Variants in LRRC14 observed in about 807,000 individuals in gnomAD.
LRRC14 encodes the protein leucine-rich repeat-containing protein 14.
Under a neutral mutation model 25.3 loss-of-function variants are expected in LRRC14, and 16 were observed. That is an observed-to-expected ratio of 0.63 (90% confidence interval 0.43 to 0.96). The LOEUF is 0.96. LRRC14 is among the 40% of genes least tolerant of loss of function. The probability of loss-of-function intolerance (pLI) is 0.00; values close to 1 mark genes in which losing one functional copy is unlikely to be tolerated. For missense variants in LRRC14, 594 were observed against 660.5 expected, an observed-to-expected ratio of 0.90 and a Z score of 1.10; for synonymous variants, 359 against 295.1, an observed-to-expected ratio of 1.22 and a Z score of -2.22.
Position 144,522,664 on chromosome 8 carries a change from G to C in LRRC14, c.*1186G>C, listed in dbSNP as rs773682326. ...CTAGCTGTGCGAACGTACAGGGGCC[G>C]TCCAAGTAGTCGTTGACGAACAGCG... On this transcript the variant is annotated 3_prime_UTR_variant, in exon 4 of 4. Coordinates refer to ENST00000292524, the MANE Select transcript of LRRC14 (RefSeq NM_014665.4). The C allele has an allele frequency of 2.5e-6, 4 of 1,592,524 alleles. No individual in the cohort carries two copies. The highest frequency in any genetic ancestry group is 3.4e-6 in the Non-Finnish European group (4 of 1,170,968).
Position 144,521,629 on chromosome 8 carries a change from C to T in LRRC14, c.*151C>T. 1 of 765,208 alleles carries T rather than the reference C, an allele frequency of 1.3e-6. No homozygotes were observed. Among genetic ancestry groups the T allele is most frequent in the South Asian group, 1.9e-5 (1 of 53,290 alleles). 47.4% of individuals were successfully genotyped at this position (765,208 alleles called of 1,614,324 possible). Reference sequence around the variant, plus strand: ...TGCTTCTGGGCACACCTCAAGCCTCCCCTGCTTTCTGCAGTGCCCCACGCG... The same window carrying T: ...TGCTTCTGGGCACACCTCAAGCCTCTCCTGCTTTCTGCAGTGCCCCACGCG... On this transcript the variant is annotated 3_prime_UTR_variant, in exon 4 of 4. Coordinates refer to ENST00000292524, the MANE Select transcript of LRRC14 (RefSeq NM_014665.4).
chr8:144,522,390 C>G lies in LRRC14; in HGVS notation c.*912C>G. 5 of 1,363,638 alleles carry G rather than the reference C, an allele frequency of 3.7e-6. No homozygotes were observed. The highest frequency in any genetic ancestry group is 4.7e-6 in the Non-Finnish European group (5 of 1,065,206). 84.5% of individuals were successfully genotyped at this position (1,363,638 alleles called of 1,614,324 possible). ...CCCACACACGGCTCAGCGCACACTG[C>G]GCGGCTTCCACCTTTACTGACGGAG... On this transcript the variant is annotated 3_prime_UTR_variant, in exon 4 of 4. Transcript: ENST00000292524.
rs749625820 is a variant in LRRC14, at chr8:144,523,666, C to A, written c.*2188C>A. Reference sequence around the variant, plus strand: ...TTCTCCGTCGGTCTCTGAGAAAGCACCTGCTCCTTAAGTCTTCCTGCAACA... The same window carrying A: ...TTCTCCGTCGGTCTCTGAGAAAGCAACTGCTCCTTAAGTCTTCCTGCAACA... On this transcript the variant is annotated 3_prime_UTR_variant, in exon 4 of 4. Transcript: ENST00000292524. 6.1e-5 allele frequency: 29 copies of A among 475,202 alleles called. No individual in the cohort carries two copies. The highest frequency in any genetic ancestry group is 1.2e-4 in the Admixed American group (3 of 25,620). 29.4% of individuals were successfully genotyped at this position (475,202 alleles called of 1,614,324 possible).
Position 144,523,327 on chromosome 8 carries a change from C to T in LRRC14, c.*1849C>T, listed in dbSNP as rs117651270. 2.4e-4 allele frequency: 380 copies of T among 1,598,250 alleles called. No individual in the cohort carries two copies. In the East Asian group the frequency reaches 5.3e-3, roughly 22 times the overall value. Reference sequence around the variant, plus strand: ...GCTCTGCACACATGATCTTCCTGTCCCTGGAGGTGAGCAGCCGCTGGCCGC... The same window carrying T: ...GCTCTGCACACATGATCTTCCTGTCTCTGGAGGTGAGCAGCCGCTGGCCGC... On this transcript the variant is annotated 3_prime_UTR_variant, in exon 4 of 4. Coordinates refer to ENST00000292524, the MANE Select transcript of LRRC14 (RefSeq NM_014665.4).
At position 144,522,510 on chromosome 8, in the gene LRRC14, C is replaced by G. The variant is rs771935827; in HGVS notation, c.*1032C>G. The G allele has an allele frequency of 8.0e-6, 12 of 1,498,710 alleles. No homozygotes were observed. Among genetic ancestry groups the G allele is most frequent in the African/African-American group, 1.4e-5 (1 of 69,052 alleles). The allele number at this position is 1,498,710 out of a possible 1,614,324, so 92.8% of individuals were successfully genotyped here. A position where few individuals can be genotyped will look rare whatever the true frequency, so the allele number is the denominator to read the frequency against. Reference sequence around the variant, plus strand: ...ATCTCGTAGGCGACCGGCGGGGGCACGCGGAGTCCCGGCCCCGCCCCCTGT... The same window carrying G: ...ATCTCGTAGGCGACCGGCGGGGGCAGGCGGAGTCCCGGCCCCGCCCCCTGT... On this transcript the variant is annotated 3_prime_UTR_variant, in exon 4 of 4. Transcript: ENST00000292524.
At position 144,522,304 on chromosome 8, in the gene LRRC14, C is replaced by T. The variant is rs998885954; in HGVS notation, c.*826C>T. 3.8e-5 allele frequency: 39 copies of T among 1,023,328 alleles called. No homozygotes were observed. The highest frequency in any genetic ancestry group is 3.3e-4 in the Middle Eastern group (1 of 3,012). The allele number at this position is 1,023,328 out of a possible 1,614,324, so 63.4% of individuals were successfully genotyped here. On this transcript the variant is annotated 3_prime_UTR_variant, in exon 4 of 4. Transcript: ENST00000292524. ...AGAGCTTCAAGGGAGGTGTTGGGGC[C>T]TCCCCGGCCACCTTCCATTGCTACC...
rs1816036729 is a variant in LRRC14 at position 144,521,339 on chromosome 8, T to C, written c.1343T>C (p.Leu448Pro). 1 of 1,612,960 alleles carries C rather than the reference T, an allele frequency of 6.2e-7. No individual in the cohort carries two copies. Among genetic ancestry groups the C allele is most frequent in the Non-Finnish European group, 8.5e-7 (1 of 1,180,014 alleles). ...LPWPPPASVL[L>P]EASINEEKFA... Reference sequence around the variant, plus strand: ...TGGCCGCCGCCTGCCTCTGTCCTGCTGGAGGCCTCCATCAATGAGGAGAAG... The same window carrying C: ...TGGCCGCCGCCTGCCTCTGTCCTGCCGGAGGCCTCCATCAATGAGGAGAAG... The change falls in exon 4 of 4, where the codon CTG becomes CCG. Residue 448 changes from leucine to proline, a missense_variant. Leu to Pro is a moderately conservative substitution (Grantham distance 98, BLOSUM62 -3). Coordinates refer to ENST00000292524, the MANE Select transcript of LRRC14 (RefSeq NM_014665.4).
Position 144,523,867 on chromosome 8 carries a change from A to C in LRRC14, c.*2389A>C. 1 of 551,278 alleles carries C rather than the reference A, an allele frequency of 1.8e-6. No individual in the cohort carries two copies. Among genetic ancestry groups the C allele is most frequent in the Non-Finnish European group, 3.2e-6 (1 of 313,434 alleles). The allele number at this position is 551,278 out of a possible 1,614,324, so 34.1% of individuals were successfully genotyped here. A position where few individuals can be genotyped will look rare whatever the true frequency, so the allele number is the denominator to read the frequency against. On this transcript the variant is annotated 3_prime_UTR_variant, in exon 4 of 4. Transcript: ENST00000292524. ...GCCTCCCCTCAGCCTAAAAGTGTGC[A>C]GAACCCTCAATTCTGTTAAGTCACC... is the stretch of plus-strand genomic sequence containing the variant.
In LRRC14 at chr8:144,521,290, G is replaced by A. The variant is rs1287231668; in HGVS notation, c.1294G>A (p.Val432Met). The change falls in exon 4 of 4, where the codon GTG becomes ATG. Residue 432 changes from valine to methionine, a missense_variant. By Grantham distance (21) the Val-to-Met change is conservative. Coordinates refer to ENST00000292524, the MANE Select transcript of LRRC14 (RefSeq NM_014665.4). ...GCGTACTGTGGTGCACCCCTTCCCT[G>A]TGGACTGCTATGAGGGCTTGCCCTG... ...ELRTVVHPFP[V>M]DCYEGLPWPP... 2 of 1,612,944 alleles carry A rather than the reference G, an allele frequency of 1.2e-6. No individual in the cohort carries two copies. The highest frequency in any genetic ancestry group is 1.7e-6 in the Non-Finnish European group (2 of 1,179,998).
In LRRC14 at chr8:144,523,072, C is replaced by T. The variant is rs1224907481; in HGVS notation, c.*1594C>T. The T allele has an allele frequency of 6.2e-7, 1 of 1,607,610 alleles. No individual in the cohort carries two copies. The highest frequency in any genetic ancestry group is 1.7e-5 in the Admixed American group (1 of 59,730). On this transcript the variant is annotated 3_prime_UTR_variant, in exon 4 of 4. Coordinates refer to ENST00000292524, the MANE Select transcript of LRRC14 (RefSeq NM_014665.4). ...CGGATGCCGAGTGTCCGCCCAGGCC[C>T]AGCAACCCGCCTTCTAGCTGGGCCT...
At position 144,522,485 on chromosome 8, in the gene LRRC14, A is replaced by C. The variant is rs1160097039; in HGVS notation, c.*1007A>C. 3 of 1,487,700 alleles carry C rather than the reference A, an allele frequency of 2.0e-6. No individual in the cohort carries two copies. Among genetic ancestry groups the C allele is most frequent in the South Asian group, 1.3e-5 (1 of 76,198 alleles). The allele number at this position is 1,487,700 out of a possible 1,614,324, so 92.2% of individuals were successfully genotyped here. A position where few individuals can be genotyped will look rare whatever the true frequency, so the allele number is the denominator to read the frequency against. ...CGCGCGCCCGCGGCCCTAGCAGTGG[A>C]TCTCGTAGGCGACCGGCGGGGGCAC... On this transcript the variant is annotated 3_prime_UTR_variant, in exon 4 of 4. Coordinates refer to ENST00000292524, the MANE Select transcript of LRRC14 (RefSeq NM_014665.4).
In LRRC14 at chr8:144,523,561, C is replaced by G. The variant is rs1025217829; in HGVS notation, c.*2083C>G. 3.2e-5 allele frequency: 41 copies of G among 1,272,022 alleles called. No homozygotes were observed. The highest frequency in any genetic ancestry group is 4.0e-5 in the Non-Finnish European group (40 of 987,666). 78.8% of individuals were successfully genotyped at this position (1,272,022 alleles called of 1,614,324 possible). The stretch of plus-strand genomic sequence containing the variant: ...AGGCCCTGCCACCCCTTCCTTGACC[C>G]CAAGCTCCTTGGGGCGGCAGGCCCT... On this transcript the variant is annotated 3_prime_UTR_variant, in exon 4 of 4. Coordinates refer to ENST00000292524, the MANE Select transcript of LRRC14 (RefSeq NM_014665.4).
chr8:144,518,695 C>G (rs933103991), intron 1 of LRRC14: 1 of 152,256 alleles, frequency 6.6e-6, no homozygotes, highest in African/African-American at 2.4e-5. Flanking sequence ...TGGCTTGTCA[C>G]TCAGGCTGTG....
rs1380687106 is a variant in LRRC14, at chr8:144,523,163, C to A, written c.*1685C>A. The A allele has an allele frequency of 6.2e-7, 1 of 1,610,586 alleles. No individual in the cohort carries two copies. Among genetic ancestry groups the A allele is most frequent in the Non-Finnish European group, 8.5e-7 (1 of 1,179,176 alleles). The stretch of plus-strand genomic sequence containing the variant: ...CCAGGTCACCAATGGCTGCGGGTAG[C>A]CGGAGGCTTGGCAGGCAACCCGCAG... On this transcript the variant is annotated 3_prime_UTR_variant, in exon 4 of 4. Coordinates refer to ENST00000292524, the MANE Select transcript of LRRC14 (RefSeq NM_014665.4).
rs878898464 is a variant in LRRC14, at chr8:144,522,093, T to C, written c.*615T>C. 22 of 245,904 alleles carry C rather than the reference T, an allele frequency of 8.9e-5. No homozygotes were observed. In the South Asian group the frequency reaches 2.3e-3, roughly 26 times the overall value. The allele number at this position is 245,904 out of a possible 1,614,324, so 15.2% of individuals were successfully genotyped here. On this transcript the variant is annotated 3_prime_UTR_variant, in exon 4 of 4. Coordinates refer to ENST00000292524, the MANE Select transcript of LRRC14 (RefSeq NM_014665.4). Reference sequence around the variant, plus strand: ...CTTATCTCTGCTGTCACCCCCAACATGGCCACCCGGCAACAACTGCCATCC... The same window carrying C: ...CTTATCTCTGCTGTCACCCCCAACACGGCCACCCGGCAACAACTGCCATCC...
At position 144,524,446 on chromosome 8, in the gene LRRC14, G is replaced by T. The variant is rs1397861605; in HGVS notation, c.*2968G>T. 4 of 1,597,818 alleles carry T rather than the reference G, an allele frequency of 2.5e-6. No homozygotes were observed. The highest frequency in any genetic ancestry group is 1.3e-5 in the African/African-American group (1 of 74,934). ...TTTAGACCCCAGGCGCTCACCGGCA[G>T]GTGCAAGAAGGTGAAATCCAGCAGC... is the stretch of plus-strand genomic sequence containing the variant. On this transcript the variant is annotated 3_prime_UTR_variant, in exon 4 of 4. Transcript: ENST00000292524.
rs369621700 is a variant in LRRC14 at position 144,520,336 on chromosome 8, T to G, written c.428T>G (p.Val143Gly). Reference protein sequence around the residue: ...TMSMWDCTAAVARTCIAQQQG... With the variant: ...TMSMWDCTAAGARTCIAQQQG... ...AGCATGTGGGACTGTACTGCTGCCG[T>G]AGCTCGCACATGCATTGCCCAGCAG... Residue 143 changes from valine (V) to glycine (G), a missense_variant, in exon 3 of 4, where the codon GTA becomes GGA. Physicochemically the swap from Val to Gly is moderately radical, Grantham distance 109. Transcript: ENST00000292524. 6.2e-7 allele frequency: 1 copy of G among 1,612,226 alleles called. No homozygotes were observed. The highest frequency in any genetic ancestry group is 8.5e-7 in the Non-Finnish European group (1 of 1,179,924).
intron 1 of LRRC14, chr8:144,519,331 CGAA>C: frequency 3.4e-6 from 1 of 292,184 alleles, no homozygotes; most frequent in Admixed American, 4.5e-5. Flanking sequence ...ATTCAGGTTT[CGAA>C]GAAGGTTTTG....
chr8:144,518,898 T>C (rs1477021120), intron 1 of LRRC14: 1 of 152,442 alleles, frequency 6.6e-6, no homozygotes, highest in African/African-American at 2.4e-5. Flanking sequence ...GTCTGAGCAG[T>C]CTGTAGCTTT....
Sources: allele counts gnomAD v4.1 joint callset, GRCh38; gene constraint gnomAD v4.1.1; transcripts MANE v1.5; gene names NCBI Gene and HGNC (gene_info 2026-07-23, HGNC 2026-07-21).